The following TDP1 variants were observed in gnomAD, a reference collection of about 807,000 sequenced individuals.
TDP1 encodes the protein tyr-DNA phosphodiesterase 1.
TDP1 carries 64 observed loss-of-function variants against 81.5 expected under a neutral mutation model. The ratio of observed to expected loss-of-function variants is 0.79; its 90% CI spans 0.64 to 0.97. The LOEUF (loss-of-function observed/expected upper bound fraction) is 0.97, where lower values mean the gene tolerates loss of function less well. TDP1 is among the 50% of genes least tolerant of loss of function. TDP1 has a pLI of 0.00. For synonymous variants in TDP1, 256 were observed against 264.3 expected (o/e 0.97, Z 0.30); for missense variants, 723 against 743.8 (o/e 0.97, Z 0.33).
At chr14:90,006,873 T>G (rs1425559362) in intron 14 of TDP1, among the ~76,000 whole-genome samples, 1 of 152,114 alleles carries the variant, frequency 6.6e-6, no homozygotes, top group African/African-American at 2.4e-5. Flanking sequence ...TTCATAGAGA[T>G]GGAGTTTTGA....
chr14:89,970,224 A>G (rs35464980), intron 5 of TDP1, among the ~76,000 whole-genome samples: 1 of 152,238 alleles, frequency 6.6e-6, no homozygotes, highest in East Asian at 1.9e-4. Context: ...TAATCAGAAC[A>G]AGAATCCCTC....
At chr14:89,992,641 T>G (rs1490338196) in intron 13 of TDP1, among the ~76,000 whole-genome samples, 3 of 151,946 alleles carry the variant, frequency 2.0e-5, no homozygotes, top group Admixed American at 6.6e-5. Context: ...TCTTGAGAGG[T>G]TTTTCCTTAC....
At chr14:90,005,992 A>G (rs1021871133) in intron 14 of TDP1, among the ~76,000 whole-genome samples, 7 of 152,176 alleles carry the variant, frequency 4.6e-5, no homozygotes, top group African/African-American at 1.7e-4. Context: ...GGATCCTTTT[A>G]AAGACTAGGT....
chr14:89,989,055 A>G lies in TDP1; in HGVS notation c.1282A>G (p.Lys428Glu). 6.2e-7 allele frequency: 1 copy of G among 1,614,160 alleles called. No homozygotes were observed. The highest frequency in any genetic ancestry group is 1.1e-5 in the South Asian group (1 of 91,086). The change falls in exon 11 of 17, where the codon AAG becomes GAG. Residue 428 changes from lysine to glutamate, a missense_variant. By Grantham distance (56) the Lys-to-Glu change is moderately conservative (BLOSUM62 1). Coordinates refer to ENST00000335725, the MANE Select transcript of TDP1 (RefSeq NM_018319.4). ...ESMLTLGKES[K>E]TPGKSSVPLY... ...CATGCTGACACTGGGGAAGGAAAGC[A>G]AGACTCCAGGAAAAAGCTCTGTTCC...
chr14:90,033,727 T>C (rs1268448247), intron 16 of TDP1: 1 of 164,072 alleles, frequency 6.1e-6, no homozygotes, highest in African/African-American at 2.4e-5. Flanking sequence ...GTCTAACTAT[T>C]AGAAATTAAA....
At chr14:90,010,889 C>G (rs916765624) in intron 14 of TDP1, among the ~76,000 whole-genome samples, 4 of 152,156 alleles carry the variant, frequency 2.6e-5, no homozygotes, top group Admixed American at 2.6e-4. Context: ...ATTGATACTT[C>G]ACGGAGGTAA....
Position 89,984,607 on chromosome 14 carries a change from T to G in TDP1, c.976T>G (p.Tyr326Asp). The G allele has an allele frequency of 1.2e-6, 2 of 1,614,190 alleles. No individual in the cohort carries two copies. The highest frequency in any genetic ancestry group is 1.7e-6 in the Non-Finnish European group (2 of 1,180,026). ...ACATTTTAAAGCTGATCTCATCAGT[T>G]ACTTGATGGCTTATAATGCCCCTTC... is the stretch of plus-strand genomic sequence containing the variant. ...PTHFKADLIS[Y>D]LMAYNAPSLK... Residue 326 changes from tyrosine (Y) to aspartate (D), a missense_variant, in exon 9 of 17, where the codon TAC (tyrosine) becomes GAC (aspartate). Physicochemically the swap from Tyr to Asp is radical, Grantham distance 160 (BLOSUM62 -3). Coordinates refer to ENST00000335725, the MANE Select transcript of TDP1 (RefSeq NM_018319.4).
rs1211102259 is a variant in TDP1 at position 89,970,595 on chromosome 14, A to G, written c.660-580A>G. On this transcript the variant is annotated intron_variant, in intron 5 of 16. Transcript: ENST00000335725. The stretch of plus-strand genomic sequence containing the variant: ...CTTATGTGCCGTTTTGGGCCAAAGA[A>G]GATAATTATTCAAGGACTTTCTTGA... Among the ~76,000 whole-genome samples, 5 of 152,276 alleles carry G rather than the reference A, an allele frequency of 3.3e-5. No homozygotes were observed. The East Asian group carries it at 9.6e-4, about 29-fold the overall frequency.
At chr14:90,011,694 G>A (rs549318061) in intron 14 of TDP1, among the ~76,000 whole-genome samples, 2 of 152,316 alleles carry the variant, frequency 1.3e-5, no homozygotes, top group East Asian at 3.9e-4. Context: ...TAGGGTATCT[G>A]GCAGAAGAAA....
At chr14:89,993,169 G>A (rs1416275677) in intron 13 of TDP1, 8 of 983,722 alleles carry the variant, frequency 8.1e-6, no homozygotes, top group Non-Finnish European at 9.7e-6. Context: ...AGGTTGCAGT[G>A]CTTCTTGTGA....
chr14:90,024,310 C>T (rs1051510434), intron 15 of TDP1, among the ~76,000 whole-genome samples: 7 of 152,214 alleles, frequency 4.6e-5, no homozygotes, highest in African/African-American at 9.6e-5. Flanking sequence ...GACACCTTTA[C>T]GCCCCACCTC....
rs532578119 is a variant in TDP1, at chr14:89,991,879, A to T, written c.1367-38A>T. ...TCTTAATGAGGGATCCTCAAATTAT[A>T]TTTCATAATTTTTATTGTTTTATTT... is the stretch of plus-strand genomic sequence containing the variant. On this transcript the variant is annotated intron_variant, in intron 12 of 16. Coordinates refer to ENST00000335725, the MANE Select transcript of TDP1 (RefSeq NM_018319.4). 3.3e-5 allele frequency: 51 copies of T among 1,557,406 alleles called. No individual in the cohort carries two copies. In the South Asian group the frequency reaches 5.6e-4, roughly 17 times the overall value.
intron 8 of TDP1, chr14:89,981,314 C>T (rs1462613500): frequency 3.0e-6 from 1 of 338,414 alleles, no homozygotes; most frequent in East Asian, 8.7e-5. Flanking sequence ...AACTACTAAC[C>T]CTCTGTACTT....
chr14:90,033,533 A>G (rs1388379190), intron 16 of TDP1: 1 of 367,066 alleles, frequency 2.7e-6, no homozygotes, highest in African/African-American at 2.1e-5. Flanking sequence ...ACCATAGCTT[A>G]GTCTAGCCTA....
chr14:89,983,277 G>C (rs1895196406), intron 8 of TDP1: 1 of 376,832 alleles, frequency 2.7e-6, no homozygotes, highest in African/African-American at 2.1e-5. Flanking sequence ...ACCCAAAATG[G>C]TATAGTCAGC....
chr14:90,009,918 A>G (rs929036450), intron 14 of TDP1, among the ~76,000 whole-genome samples: 1 of 152,252 alleles, frequency 6.6e-6, no homozygotes, highest in African/African-American at 2.4e-5. Flanking sequence ...AAATATTGCT[A>G]AAGCAATTGG....
At chr14:89,995,907 A>G (rs1896615468) in intron 14 of TDP1, among the ~76,000 whole-genome samples, 4 of 152,220 alleles carry the variant, frequency 2.6e-5, no homozygotes, top group Admixed American at 2.6e-4. Context: ...AGATTTAGAT[A>G]GTGTCTTTTA....
intron 2 of TDP1, among the ~76,000 whole-genome samples, chr14:89,962,647 T>C (rs970877291): frequency 2.6e-5 from 4 of 151,910 alleles, no homozygotes; most frequent in East Asian, 3.9e-4. Flanking sequence ...GTGGATCTCT[T>C]GAGTCCAGGA....
At chr14:90,010,951 A>G (rs1434929482) in intron 14 of TDP1, among the ~76,000 whole-genome samples, 1 of 152,130 alleles carries the variant, frequency 6.6e-6, no homozygotes, top group Admixed American at 6.5e-5. Flanking sequence ...CCCAAATCTC[A>G]TCTTGAATTG....
Sources: gnomAD v4.1 joint callset for allele counts (sites outside exome capture counted in the v4.1 genomes callset) on GRCh38, gnomAD v4.1.1 for gene constraint, MANE v1.5 for transcripts, NCBI Gene and HGNC (gene_info 2026-07-23, HGNC 2026-07-21) for gene names.